NRAS: variants seen among roughly 807,000 people sequenced by gnomAD.
The protein encoded by NRAS is GTPase NRas.
NRAS carries 6 observed loss-of-function variants against 21.3 expected under a neutral mutation model. The ratio of observed to expected loss-of-function variants is 0.28; its 90% CI spans 0.15 to 0.56. The LOEUF is 0.56. Among genes scored for constraint, NRAS ranks in the 20% least tolerant of loss-of-function variants. The pLI, the probability that NRAS is intolerant of heterozygous loss-of-function variation, is 0.93. For synonymous variants in NRAS, 84 were observed against 82.0 expected (o/e 1.02, Z -0.13); for missense variants, 143 against 231.3 (o/e 0.62, Z 2.48).
intron 3 of NRAS, among the ~76,000 whole-genome samples, chr1:114,711,605 CA>C (rs371081462): frequency 5.6e-4 from 33 of 59,328 alleles, no homozygotes; most frequent in Admixed American, 1.3e-3. Context: ...AACTCCGTCT[CA>C]AAAAAAAAAA....
At position 114,708,581 on chromosome 1, in the gene NRAS, T is replaced by A; in HGVS notation, c.524A>T (p.Asp175Val). The A allele has an allele frequency of 6.2e-7, 1 of 1,613,530 alleles. No homozygotes were observed. Among genetic ancestry groups the A allele is most frequent in the Non-Finnish European group, 8.5e-7 (1 of 1,179,414 alleles). ...TCCCATACAACCCTGAGTCCCATCA[T>A]CACTGCTGTTGAGTTTTTTCATTCG... Reference protein sequence around the residue: ...QYRMKKLNSSDDGTQGCMGLP... With the variant: ...QYRMKKLNSSVDGTQGCMGLP... The change falls in exon 5 of 7, where the codon GAT (aspartate) becomes GTT (valine). Residue 175 changes from aspartate to valine, a missense_variant. Coordinates refer to ENST00000369535, the MANE Select transcript of NRAS (RefSeq NM_002524.5).
intron 3 of NRAS, 124 bp downstream of exon 3, chr1:114,713,676 C>T: frequency 1.3e-6 from 1 of 797,206 alleles, no homozygotes; most frequent in South Asian, 1.5e-5. Context: ...CAATGTCAAA[C>T]AACCTAAAAC....
chr1:114,716,030 G>A lies in NRAS; in HGVS notation c.111+20C>T, dbSNP rs755969182. On this transcript the variant is annotated intron_variant, in intron 2 of 6. Transcript: ENST00000369535. ...AAGTGAGAGACAGGATCAGGTCAGC[G>A]GGCTACCACTGGGCCTCACCTCTAT... 3 of 1,371,280 alleles carry A rather than the reference G, an allele frequency of 2.2e-6. No individual in the cohort carries two copies. Among genetic ancestry groups the A allele is most frequent in the Non-Finnish European group, 3.1e-6 (3 of 957,822 alleles). The allele number at this position is 1,371,280 out of a possible 1,614,324, so 84.9% of individuals were successfully genotyped here.
chr1:114,713,734 CTCATTT>C, intron 3 of NRAS, 60 bp downstream of exon 3: 1 of 1,385,182 alleles, frequency 7.2e-7, no homozygotes, highest in Non-Finnish European at 1.0e-6. Flanking sequence ...GTGTGGTAAC[CTCATTT>C]CCCCATAAAG....
chr1:114,709,449 A>G, intron 4 of NRAS, 120 bp downstream of exon 4: 1 of 868,672 alleles, frequency 1.2e-6, no homozygotes. Context: ...AAAATAAAAA[A>G]TAAAAAAATA....
In NRAS at chr1:114,705,167, T is replaced by C. The variant is rs1281505535; in HGVS notation, c.*2927A>G. 1 of 152,232 alleles carries C rather than the reference T, an allele frequency of 6.6e-6. No homozygotes were observed. Among genetic ancestry groups the C allele is most frequent in the African/African-American group, 2.4e-5 (1 of 41,458 alleles). 9.4% of individuals were successfully genotyped at this position (152,232 alleles called of 1,614,324 possible). On this transcript the variant is annotated 3_prime_UTR_variant, in exon 7 of 7. Coordinates refer to ENST00000369535, the MANE Select transcript of NRAS (RefSeq NM_002524.5). ...ATATCTCTAAAGTGTTTCTCTATCC[T>C]TGCTTTCAAGTCATGACAAAAAAAT... is the stretch of plus-strand genomic sequence containing the variant.
chr1:114,708,437 C>CA, intron 5 of NRAS, 94 bp downstream of exon 5: 1 of 1,232,290 alleles, frequency 8.1e-7, no homozygotes, highest in Non-Finnish European at 1.2e-6. Context: ...GGCAGAAACT[C>CA]AAAAAACATA....
At position 114,705,054 on chromosome 1, in the gene NRAS, T is replaced by C. The variant is rs1438963014; in HGVS notation, c.*3040A>G. On this transcript the variant is annotated 3_prime_UTR_variant, in exon 7 of 7. Transcript: ENST00000369535. ...AACGCACCATTTTTTGGTTCTTGGT[T>C]GTAGCTGCCAACTTAGGAGTTCATG... 6.6e-6 allele frequency: 1 copy of C among 152,232 alleles called. No individual in the cohort carries two copies. The highest frequency in any genetic ancestry group is 1.5e-5 in the Non-Finnish European group (1 of 68,044). 9.4% of individuals were successfully genotyped at this position (152,232 alleles called of 1,614,324 possible).
intron 3 of NRAS, among the ~76,000 whole-genome samples, chr1:114,712,024 CTACAT>C (rs1659060829): frequency 6.6e-6 from 1 of 152,190 alleles, no homozygotes; most frequent in Non-Finnish European, 1.5e-5. Flanking sequence ...TGTATCTGAA[CTACAT>C]TCCACTGGCT....
chr1:114,710,570 C>T (rs1476974079), intron 3 of NRAS, among the ~76,000 whole-genome samples: 7 of 150,932 alleles, frequency 4.6e-5, no homozygotes, highest in African/African-American at 1.7e-4. Context: ...AAAGTGAGAG[C>T]GAGAGAAAGA....
In NRAS at chr1:114,709,701, C is replaced by T. The variant is rs373254040; in HGVS notation, c.318G>A (p.Ser106=). The change falls in exon 4 of 7, where the codon TCG becomes TCA. Residue 106 remains serine, a synonymous_variant. Coordinates refer to ENST00000369535, the MANE Select transcript of NRAS (RefSeq NM_002524.5). ...YREQIKRVKD[S]DDVPMVLVGN... is the part of the protein sequence containing the mutation. ...CCACTAGCACCATAGGTACATCATC[C>T]GAGTCTTTTACTCGCTTAATCTGCT... 4.3e-6 allele frequency: 7 copies of T among 1,613,620 alleles called. No individual in the cohort carries two copies. Among genetic ancestry groups the T allele is most frequent in the East Asian group, 4.5e-5 (2 of 44,862 alleles).
In NRAS at chr1:114,709,777, T is replaced by C. The variant is rs754914287; in HGVS notation, c.291-49A>G. 2.3e-5 allele frequency: 34 copies of C among 1,482,096 alleles called. 2 individuals carry two copies. In the South Asian group the frequency reaches 3.6e-4, roughly 16 times the overall value. The allele number at this position is 1,482,096 out of a possible 1,614,324, so 91.8% of individuals were successfully genotyped here. A position where few individuals can be genotyped will look rare whatever the true frequency, so the allele number is the denominator to read the frequency against. On this transcript the variant is annotated intron_variant, in intron 3 of 6. Coordinates refer to ENST00000369535, the MANE Select transcript of NRAS (RefSeq NM_002524.5). ...GAACATAAGAAAAACAAGATTAGGC[T>C]GGGTACAGTGGCTCATGCCTGCAAT...
intron 3 of NRAS, among the ~76,000 whole-genome samples, chr1:114,710,501 G>GA (rs1659021786): frequency 6.8e-6 from 1 of 147,752 alleles, no homozygotes; most frequent in South Asian, 2.1e-4. Flanking sequence ...TGGGCAACAG[G>GA]AAAAAAGAAA....
intron 3 of NRAS, among the ~76,000 whole-genome samples, chr1:114,711,288 G>A (rs1659037362): frequency 6.6e-6 from 1 of 152,008 alleles, no homozygotes; most frequent in Non-Finnish European, 1.5e-5. Context: ...GCAACAGAGG[G>A]AGACTCCATC....
intron 4 of NRAS, among the ~76,000 whole-genome samples, chr1:114,709,275 A>G (rs993061551): frequency 2.0e-5 from 3 of 152,022 alleles, no homozygotes; most frequent in Non-Finnish European, 4.4e-5. Flanking sequence ...TGTCTCTACT[A>G]AAAGTACAAA....
At chr1:114,716,573 T>G in intron 1 of NRAS, 85 bp downstream of exon 1, 1 of 334,238 alleles carries the variant, frequency 3.0e-6, no homozygotes. Flanking sequence ...CTCCAGCTGA[T>G]AGATTCTGCT....
intron 2 of NRAS, among the ~76,000 whole-genome samples, chr1:114,715,059 C>T (rs1305964094): frequency 2.0e-5 from 3 of 152,296 alleles, no homozygotes; most frequent in South Asian, 2.1e-4. Flanking sequence ...GACGAAGTCT[C>T]GCTCTGTTGC....
intron 3 of NRAS, 50 bp downstream of exon 3, chr1:114,713,746 TAAAG>T: frequency 1.4e-6 from 2 of 1,462,174 alleles, no homozygotes; most frequent in Middle Eastern, 1.7e-4. Context: ...CATTTCCCCA[TAAAG>T]ATTCAGAACA....
intron 2 of NRAS, among the ~76,000 whole-genome samples, chr1:114,715,308 A>T (rs1476144362): frequency 6.6e-6 from 1 of 152,220 alleles, no homozygotes; most frequent in African/African-American, 2.4e-5. Context: ...TACAGGCGTG[A>T]GCCACCGTGT....
Sources: gnomAD v4.1 joint callset for allele counts (sites outside exome capture counted in the v4.1 genomes callset) on GRCh38, gnomAD v4.1.1 for gene constraint, MANE v1.5 for transcripts, NCBI Gene and HGNC (gene_info 2026-07-23, HGNC 2026-07-21) for gene names.